NBAS: variants seen among roughly 807,000 people sequenced by gnomAD.
NBAS encodes NAG/BC035112 fusion.
NBAS carries 219 observed loss-of-function variants against 302.5 expected under a neutral mutation model. The ratio of observed to expected loss-of-function variants is 0.72; its 90% confidence interval spans 0.65 to 0.81. The LOEUF is 0.81. NBAS is among the 30% of genes least tolerant of loss of function. The probability of loss-of-function intolerance (pLI) is 0.00; values close to 1 mark genes in which losing one functional copy is unlikely to be tolerated. For missense variants in NBAS, 2,932 were observed against 2,841.6 expected (o/e 1.03, Z -0.72); for synonymous variants, 1,118 against 1,021.6 (o/e 1.09, Z -1.80).
At chr2:15,433,127 T>C (rs1263920977) in intron 21 of NBAS, among the ~76,000 whole-genome samples, 1 of 152,086 alleles carries the variant, frequency 6.6e-6, no homozygotes, top group Non-Finnish European at 1.5e-5. Context: ...CAAATGAAAA[T>C]GAGACTAAAG....
chr2:15,186,946 T>A, intron 49 of NBAS, 66 bp from the exon 50 acceptor site: 1 of 1,602,704 alleles, frequency 6.2e-7, no homozygotes, highest in Non-Finnish European at 8.5e-7. Context: ...TGTGATAAAT[T>A]TTAAAACAAG....
At chr2:15,128,604 A>G in the NBAS span, among the ~76,000 whole-genome samples, 3 of 152,276 alleles carry the variant, frequency 2.0e-5, no homozygotes, top group South Asian at 6.2e-4. Context: ...GCCTTATGGA[A>G]AGGGGAACAT....
At chr2:15,179,385 AG>A in intron 50 of NBAS, 1 of 407,588 alleles carries the variant, frequency 2.5e-6, no homozygotes, top group East Asian at 4.7e-5. Context: ...GTACAGATAT[AG>A]TGGTATAATT....
At chr2:15,032,414 T>A in the NBAS span, among the ~76,000 whole-genome samples, 1,947 of 152,288 alleles carry the variant, frequency 0.013, 48 homozygotes, top group African/African-American at 0.043. Context: ...GGCAAATAAC[T>A]TTGCCCAATT....
intron 21 of NBAS, among the ~76,000 whole-genome samples, chr2:15,429,311 C>G (rs372097862): frequency 5.3e-5 from 8 of 152,184 alleles, no homozygotes; most frequent in African/African-American, 1.9e-4. Flanking sequence ...AAACAAACTT[C>G]AATTGCCTTG....
chr2:15,555,698 T>A (rs1262758096), intron 3 of NBAS, among the ~76,000 whole-genome samples: 1 of 152,154 alleles, frequency 6.6e-6, no homozygotes. Context: ...AATGGTGCAT[T>A]TGCAACCTGT....
chr2:15,315,678 T>G (rs1321045584), intron 38 of NBAS, among the ~76,000 whole-genome samples: 1 of 152,230 alleles, frequency 6.6e-6, no homozygotes, highest in Non-Finnish European at 1.5e-5. Context: ...TCCACAGGAT[T>G]TGAGATGGAA....
chr2:15,341,769 C>T (rs1389985354), intron 35 of NBAS, among the ~76,000 whole-genome samples: 2 of 152,058 alleles, frequency 1.3e-5, no homozygotes, highest in Non-Finnish European at 1.5e-5. Context: ...TATCATGATT[C>T]ACACTCCTGC....
At position 15,558,466 on chromosome 2, in the gene NBAS, ATAAT is replaced by A; in HGVS notation, c.172+110_172+113del. 4 of 710,216 alleles carry A rather than the reference ATAAT, an allele frequency of 5.6e-6. No individual in the cohort carries two copies. The South Asian group carries it at 7.2e-5, about 13-fold the overall frequency. The allele number at this position is 710,216 out of a possible 1,614,324, so 44.0% of individuals were successfully genotyped here. A position where few individuals can be genotyped will look rare whatever the true frequency, so the allele number is the denominator to read the frequency against. ...TATGTGTGTATATATAAATATATATATAATTAAACTCAGATAACACACATTACTT... is the reference window on the plus strand; with the variant it reads ...TATGTGTGTATATATAAATATATATATAAACTCAGATAACACACATTACTT... On this transcript the variant is annotated intron_variant, in intron 2 of 51. Transcript: ENST00000281513.
the NBAS span, among the ~76,000 whole-genome samples, chr2:15,067,159 CAAAAAAA>C: frequency 3.2e-5 from 3 of 93,320 alleles, no homozygotes; most frequent in African/African-American, 5.0e-5. Flanking sequence ...CTTATCTCCA[CAAAAAAA>C]AAAAAAAAAA....
chr2:15,034,453 T>A, the NBAS span, among the ~76,000 whole-genome samples: 1 of 152,110 alleles, frequency 6.6e-6, no homozygotes, highest in African/African-American at 2.4e-5. Context: ...GATCTTGGAC[T>A]TCCAGCTTTC....
intron 44 of NBAS, among the ~76,000 whole-genome samples, chr2:15,271,629 T>C (rs1252074883): frequency 6.6e-6 from 1 of 152,220 alleles, no homozygotes; most frequent in Non-Finnish European, 1.5e-5. Flanking sequence ...GCATTTCATA[T>C]GAGAGAGAAG....
chr2:15,295,704 C>CATGTGTAT (rs1202256486), intron 40 of NBAS, among the ~76,000 whole-genome samples: 24 of 152,184 alleles, frequency 1.6e-4, no homozygotes, highest in African/African-American at 3.4e-4. Context: ...GGGCAGAGAT[C>CATGTGTAT]ATGTGTATAT....
At position 15,481,466 on chromosome 2, in the gene NBAS, T is replaced by C. The variant is rs148347431; in HGVS notation, c.1084-3177A>G. Among the ~76,000 whole-genome samples, 219 of 152,274 alleles carry C rather than the reference T, an allele frequency of 1.4e-3. 1 individual carries two copies. The highest frequency in any genetic ancestry group is 0.012 in the Admixed American group (180 of 15,302). On this transcript the variant is annotated intron_variant, in intron 12 of 51. Transcript: ENST00000281513. ...TCTGATACACACTGTAAACTGGTGC[T>C]CCGTGGACAGGATCACCAAACTCCC...
At chr2:14,962,948 A>C in the NBAS span, among the ~76,000 whole-genome samples, 30 of 152,168 alleles carry the variant, frequency 2.0e-4, no homozygotes, top group East Asian at 5.6e-3. Flanking sequence ...AAGGAGAAAA[A>C]AAAAAACAAA....
chr2:14,865,853 T>C, the NBAS span, among the ~76,000 whole-genome samples: 1 of 152,164 alleles, frequency 6.6e-6, no homozygotes, highest in Non-Finnish European at 1.5e-5. Flanking sequence ...AATTGAAGCT[T>C]GGAGAGTTTC....
Position 15,435,994 on chromosome 2 carries a change from C to T in NBAS, c.2340-8200G>A, listed in dbSNP as rs541954858. On this transcript the variant is annotated intron_variant, in intron 21 of 51. Coordinates refer to ENST00000281513, the MANE Select transcript of NBAS (RefSeq NM_015909.4). ...ATATAAATGCATTATTTCATTTAAT[C>T]GTGAATCAAACACCCTAAAAGGTAT... Among the ~76,000 whole-genome samples, 60 of 152,160 alleles carry T rather than the reference C, an allele frequency of 3.9e-4. No homozygotes were observed. The South Asian group carries it at 9.8e-3, about 25-fold the overall frequency.
chr2:15,417,769 A>G, intron 23 of NBAS, 57 bp from the exon 24 acceptor site: 2 of 1,505,462 alleles, frequency 1.3e-6, no homozygotes, highest in East Asian at 2.4e-5. Context: ...CATCTATTCT[A>G]AAGTAAAAGT....
chr2:14,881,609 A>G, the NBAS span, among the ~76,000 whole-genome samples: 1 of 152,324 alleles, frequency 6.6e-6, no homozygotes, highest in South Asian at 2.1e-4. Context: ...AAACTCAGAG[A>G]ATACTATATT....
Sources: allele counts gnomAD v4.1 joint callset (sites outside exome capture counted in the v4.1 genomes callset), GRCh38; gene constraint gnomAD v4.1.1; transcripts MANE v1.5; gene names NCBI Gene and HGNC (gene_info 2026-07-23, HGNC 2026-07-21).